The following CFAP95 variants were observed in gnomAD, a reference collection of about 807,000 sequenced individuals.
CFAP95 encodes the protein cilia- and flagella-associated protein 95.
the CFAP95 span, among the ~76,000 whole-genome samples, chr9:69,891,153 A>G: frequency 1.3e-5 from 2 of 152,192 alleles, no homozygotes; most frequent in Non-Finnish European, 2.9e-5. Flanking sequence ...TTGTTTCACA[A>G]TACATGGACA....
At chr9:69,861,892 TC>T in the CFAP95 span, among the ~76,000 whole-genome samples, 1 of 152,104 alleles carries the variant, frequency 6.6e-6, no homozygotes, top group Admixed American at 6.5e-5. Context: ...ATCTGCAACC[TC>T]CTCTAGAGGA....
At chr9:69,850,483 A>C in the CFAP95 span, among the ~76,000 whole-genome samples, 1 of 152,358 alleles carries the variant, frequency 6.6e-6, no homozygotes, top group Non-Finnish European at 1.5e-5. Flanking sequence ...TAAAAATATG[A>C]CATTTAAAAA....
the CFAP95 span, among the ~76,000 whole-genome samples, chr9:69,869,370 ATAATC>A: frequency 6.6e-6 from 1 of 152,212 alleles, no homozygotes; most frequent in Non-Finnish European, 1.5e-5. Flanking sequence ...AAAGTACTGC[ATAATC>A]TCACTTCTAC....
chr9:69,843,549 CTCCTCCTCCTTCTTCTTCT>C, the CFAP95 span, among the ~76,000 whole-genome samples: 13 of 23,498 alleles, frequency 5.5e-4, 1 homozygote, highest in Middle Eastern at 0.045. Flanking sequence ...CCTCCTCCTC[CTCCTCCTCCTTCTTCTTCT>C]TCTTCTTCTT....
the CFAP95 span, among the ~76,000 whole-genome samples, chr9:69,850,429 T>G: frequency 3.9e-5 from 6 of 152,174 alleles, no homozygotes; most frequent in Admixed American, 2.0e-4. Context: ...TATGAATAGA[T>G]TAAGAATAGC....
the CFAP95 span, among the ~76,000 whole-genome samples, chr9:69,889,022 C>A: frequency 6.6e-6 from 1 of 152,036 alleles, no homozygotes; most frequent in African/African-American, 2.4e-5. Context: ...TGGAAAGTAC[C>A]TAAATATTTA....
At chr9:69,874,335 G>A in the CFAP95 span, among the ~76,000 whole-genome samples, 2 of 152,110 alleles carry the variant, frequency 1.3e-5, no homozygotes, top group Admixed American at 1.3e-4. Context: ...AAAACCATAC[G>A]GGAAGCCAAA....
At chr9:69,831,177 A>G in the CFAP95 span, among the ~76,000 whole-genome samples, 1 of 152,190 alleles carries the variant, frequency 6.6e-6, no homozygotes, top group South Asian at 2.1e-4. Flanking sequence ...TCCAGGTTCA[A>G]TTAAATGGAA....
the CFAP95 span, among the ~76,000 whole-genome samples, chr9:69,860,437 C>T: frequency 6.6e-6 from 1 of 152,104 alleles, no homozygotes; most frequent in Non-Finnish European, 1.5e-5. Flanking sequence ...AGGTATCCAC[C>T]CCCATGACCC....
At chr9:69,859,453 T>A in the CFAP95 span, among the ~76,000 whole-genome samples, 3 of 152,194 alleles carry the variant, frequency 2.0e-5, no homozygotes, top group Non-Finnish European at 4.4e-5. Context: ...GCATACTCTC[T>A]GTTTTCTCCA....
At chr9:69,860,315 T>A in the CFAP95 span, among the ~76,000 whole-genome samples, 2 of 152,022 alleles carry the variant, frequency 1.3e-5, no homozygotes, top group Non-Finnish European at 1.5e-5. Context: ...GGCAGGAATG[T>A]CACATGGCAA....
the CFAP95 span, among the ~76,000 whole-genome samples, chr9:69,879,517 C>A: frequency 3.3e-5 from 5 of 152,020 alleles, no homozygotes; most frequent in East Asian, 1.9e-4. Flanking sequence ...GGGAGCTGTG[C>A]GCATATGTAA....
At chr9:69,895,552 T>A in the CFAP95 span, among the ~76,000 whole-genome samples, 2 of 152,160 alleles carry the variant, frequency 1.3e-5, no homozygotes, top group African/African-American at 2.4e-5. Flanking sequence ...TGACCAAGTA[T>A]CCTTTCGGAT....
At chr9:69,871,252 A>G in the CFAP95 span, among the ~76,000 whole-genome samples, 1 of 152,044 alleles carries the variant, frequency 6.6e-6, no homozygotes, top group African/African-American at 2.4e-5. Flanking sequence ...AAACAAAGGC[A>G]GGGAGGAGCA....
At chr9:69,824,894 A>G in the CFAP95 span, among the ~76,000 whole-genome samples, 1 of 152,214 alleles carries the variant, frequency 6.6e-6, no homozygotes, top group Non-Finnish European at 1.5e-5. Context: ...ATAGAATATA[A>G]AGATAGCAAG....
At chr9:69,822,582 T>A in the CFAP95 span, among the ~76,000 whole-genome samples, 1 of 152,222 alleles carries the variant, frequency 6.6e-6, no homozygotes, top group South Asian at 2.1e-4. Flanking sequence ...ATTTGAGTCA[T>A]ACCATAAATC....
the CFAP95 span, among the ~76,000 whole-genome samples, chr9:69,902,964 A>G: frequency 6.6e-6 from 1 of 152,106 alleles, no homozygotes; most frequent in Non-Finnish European, 1.5e-5. Context: ...GTGTTCCAAT[A>G]TTGTAGATTA....
chr9:69,890,758 CTT>C, the CFAP95 span, among the ~76,000 whole-genome samples: 1 of 152,138 alleles, frequency 6.6e-6, no homozygotes, highest in Non-Finnish European at 1.5e-5. Context: ...TAAATTGAGA[CTT>C]GATTAATTTT....
the CFAP95 span, among the ~76,000 whole-genome samples, chr9:69,856,397 A>G: frequency 2.0e-5 from 3 of 152,376 alleles, no homozygotes; most frequent in East Asian, 5.8e-4. Context: ...TTACATATTT[A>G]TGATGAAATA....
Sources: gnomAD v4.1 joint callset for allele counts (sites outside exome capture counted in the v4.1 genomes callset) on GRCh38, gnomAD v4.1.1 for gene constraint, MANE v1.5 for transcripts, NCBI Gene and HGNC (gene_info 2026-07-23, HGNC 2026-07-21) for gene names.